The following CR1L variants were observed in gnomAD, a reference collection of about 807,000 sequenced individuals.
CR1L encodes complement component receptor 1-like protein.
A neutral mutation model predicts 62.3 loss-of-function variants in CR1L; 59 were observed. That is an observed-to-expected ratio of 0.95 (90% CI 0.77 to 1.18). CR1L has a LOEUF of 1.18. Ranked by LOEUF, CR1L falls within the 50% of genes most tolerant of loss-of-function variation. CR1L has a pLI of 0.00. For synonymous variants in CR1L, 279 were observed against 248.7 expected (o/e 1.12, Z -1.15); for missense variants, 700 against 702.8 (o/e 1.00, Z 0.04).
chr1:207,677,670 T>A, intron 2 of CR1L, 102 bp downstream of exon 2: 1 of 1,361,626 alleles, frequency 7.3e-7, no homozygotes, highest in Non-Finnish European at 1.0e-6. Flanking sequence ...AACAATTAGT[T>A]TGCTAAGGTG....
At chr1:207,672,099 C>T (rs1274702143) in intron 1 of CR1L, among the ~76,000 whole-genome samples, 1 of 150,546 alleles carries the variant, frequency 6.6e-6, no homozygotes, top group Non-Finnish European at 1.5e-5. Context: ...TCATCAGAGT[C>T]GATCAACAAA....
Position 207,699,131 on chromosome 1 carries a change from GAACTA to G in CR1L, c.1143-56_1143-52del, listed in dbSNP as rs1333122744. ...AAATTGGGGCTGGGCCTTAGATTGT[GAACTA>G]AGTGTCCTCTTGGCTGAAACAGCTC... On this transcript the variant is annotated intron_variant, in intron 7 of 11. Coordinates refer to ENST00000508064, the MANE Select transcript of CR1L (RefSeq NM_175710.2). 9.9e-6 allele frequency: 16 copies of G among 1,608,858 alleles called. No individual in the cohort carries two copies. In the East Asian group the frequency reaches 3.1e-4, roughly 31 times the overall value.
chr1:207,675,066 AGTG>A (rs1663670342), intron 1 of CR1L, among the ~76,000 whole-genome samples: 1 of 152,138 alleles, frequency 6.6e-6, no homozygotes, highest in African/African-American at 2.4e-5. Context: ...ATATGCATTG[AGTG>A]CTTATAACTG....
Position 207,697,844 on chromosome 1 carries a change from A to G in CR1L, c.1113A>G (p.Gly371=), listed in dbSNP as rs754163540. The change falls in exon 7 of 12, where the codon GGA becomes GGG. Residue 371 remains glycine (G), a synonymous_variant. Transcript: ENST00000508064. Reference sequence around the variant, plus strand: ...TATTTCCACTTAATCTCCAGCTTGGAGCAAAAGTGGATTTTGTTTGTGATG... The same window carrying G: ...TATTTCCACTTAATCTCCAGCTTGGGGCAAAAGTGGATTTTGTTTGTGATG... ...HVLFPLNLQL[G]AKVDFVCDEG... The G allele has an allele frequency of 1.9e-6, 3 of 1,613,918 alleles. No homozygotes were observed. Among genetic ancestry groups the G allele is most frequent in the Middle Eastern group, 1.6e-4 (1 of 6,062 alleles).
rs529417356 is a variant in CR1L, at chr1:207,718,580, C to T, written c.1642+889C>T. On this transcript the variant is annotated intron_variant, in intron 11 of 11. Transcript: ENST00000508064. The stretch of plus-strand genomic sequence containing the variant: ...AGGATTACAGGCACCCACCACCACA[C>T]CTGGCTAATTTTTGTATTTTTTAGT... 4.6e-5 allele frequency among the ~76,000 whole-genome samples: 7 copies of T among 152,236 alleles called. No individual in the cohort carries two copies. The South Asian group carries it at 1.2e-3, about 27-fold the overall frequency.
At chr1:207,668,434 G>C (rs1030263534) in intron 1 of CR1L, among the ~76,000 whole-genome samples, 4 of 151,126 alleles carry the variant, frequency 2.6e-5, no homozygotes, top group African/African-American at 7.4e-5. Context: ...GACAAATCCT[G>C]TATGATATCA....
intron 10 of CR1L, chr1:207,708,905 A>G (rs1248068465): frequency 2.3e-5 from 9 of 393,228 alleles, no homozygotes; most frequent in Middle Eastern, 8.8e-4. Flanking sequence ...ACTGCCCTAC[A>G]GTAGAGTAGG....
At chr1:207,710,894 A>G in intron 10 of CR1L, 1 of 1,133,788 alleles carries the variant, frequency 8.8e-7, no homozygotes, top group Admixed American at 2.2e-5. Context: ...AGGGTGGGAA[A>G]GTAAGTTTTG....
intron 4 of CR1L, chr1:207,684,178 C>T (rs574458181): frequency 1.2e-4 from 45 of 372,360 alleles, no homozygotes; most frequent in African/African-American, 7.4e-4. Flanking sequence ...GGCCTAAATA[C>T]GTAAAAGGCT....
chr1:207,669,074 A>T (rs899177504), intron 1 of CR1L: 2 of 230,394 alleles, frequency 8.7e-6, no homozygotes, highest in African/African-American at 4.9e-5. Flanking sequence ...ATTCTTGCAA[A>T]GAGGAAAAGT....
intron 10 of CR1L, chr1:207,715,438 T>G: frequency 7.3e-7 from 1 of 1,372,034 alleles, no homozygotes; most frequent in Non-Finnish European, 1.0e-6. Context: ...GCTCTCCTTA[T>G]TTTTGTTTTC....
chr1:207,709,030 A>G, intron 10 of CR1L: 1 of 314,190 alleles, frequency 3.2e-6, no homozygotes, highest in Non-Finnish European at 6.2e-6. Flanking sequence ...TATCATGTTT[A>G]TTATATGTAA....
intron 1 of CR1L, among the ~76,000 whole-genome samples, chr1:207,671,398 A>G (rs908839906): frequency 2.7e-5 from 4 of 150,842 alleles, no homozygotes; most frequent in Admixed American, 6.6e-5. Context: ...GTTGCATAGG[A>G]CAGTTTATGG....
chr1:207,667,171 G>C (rs1023941953), intron 1 of CR1L, among the ~76,000 whole-genome samples: 1 of 152,166 alleles, frequency 6.6e-6, no homozygotes, highest in African/African-American at 2.4e-5. Context: ...GCTTAACCTT[G>C]ATGGCGCTAT....
intron 4 of CR1L, among the ~76,000 whole-genome samples, chr1:207,689,960 T>C (rs1397153795): frequency 2.0e-5 from 3 of 152,120 alleles, no homozygotes; most frequent in Non-Finnish European, 4.4e-5. Flanking sequence ...GGTACTCCTA[T>C]GCTAATTAAT....
rs777373419 is a variant in CR1L, at chr1:207,699,197, T to G, written c.1151T>G (p.Leu384Ter). ...VDFVCDEGFQ[L>*]KGSSASYCVL... ...CCTATTTTCTTCTTTAGATTTCAAT[T>G]AAAAGGCAGCTCTGCTAGTTACTGT... The change falls in exon 8 of 12, where the codon TTA becomes TGA. Residue 384 changes from leucine to a stop codon, truncating the protein, a stop_gained. Transcript: ENST00000508064. LOFTEE classifies it high-confidence loss of function. 23 of 1,613,550 alleles carry G rather than the reference T, an allele frequency of 1.4e-5. 1 individual carries two copies. In the South Asian group the frequency reaches 2.4e-4, roughly 17 times the overall value.
At chr1:207,699,315 T>C (rs1202252000) in intron 8 of CR1L, 41 bp downstream of exon 8, 5 of 1,609,552 alleles carry the variant, frequency 3.1e-6, no homozygotes, top group Non-Finnish European at 3.4e-6. Flanking sequence ...TCTCTCCCCT[T>C]CATCTGTTCA....
chr1:207,682,992 TTTTC>T (rs956974092), intron 3 of CR1L, among the ~76,000 whole-genome samples: 19 of 84,784 alleles, frequency 2.2e-4, no homozygotes, highest in African/African-American at 4.1e-4. Flanking sequence ...TTCTTTCTTT[TTTTC>T]TTTCTTTCTT....
intron 1 of CR1L, among the ~76,000 whole-genome samples, chr1:207,648,106 A>G (rs1462720309): frequency 6.6e-6 from 1 of 151,130 alleles, no homozygotes; most frequent in Non-Finnish European, 1.5e-5. Context: ...CCCCATGGTC[A>G]AGGCTGCAGT....
Sources: gnomAD v4.1 joint callset for allele counts (sites outside exome capture counted in the v4.1 genomes callset) on GRCh38, gnomAD v4.1.1 for gene constraint, MANE v1.5 for transcripts, NCBI Gene and HGNC (gene_info 2026-07-23, HGNC 2026-07-21) for gene names.